Variants in ADAMTSL3 observed in about 807,000 individuals in gnomAD.
The protein encoded by ADAMTSL3 is ADAMTS like 3, also known as ADAMTS-like protein 3.
A neutral mutation model predicts 201.7 loss-of-function variants in ADAMTSL3; 128 were observed. The ratio of observed to expected loss-of-function variants is 0.63; its 90% CI spans 0.55 to 0.73. The LOEUF (loss-of-function observed/expected upper bound fraction) is 0.73, where lower values mean the gene tolerates loss of function less well. Ranked by LOEUF, ADAMTSL3 falls within the 30% of genes least tolerant of loss-of-function variation. The pLI is 0.00. For missense variants in ADAMTSL3, 1,990 were observed against 2,119.6 expected (o/e 0.94, Z 1.20); for synonymous variants, 738 against 748.4 (o/e 0.99, Z 0.23).
intron 19 of ADAMTSL3, among the ~76,000 whole-genome samples, chr15:83,952,695 A>G (rs1416224914): frequency 6.6e-6 from 1 of 152,012 alleles, no homozygotes; most frequent in Admixed American, 6.6e-5. Flanking sequence ...AATCCCAGCT[A>G]CTTGGGAGGT....
intron 3 of ADAMTSL3, among the ~76,000 whole-genome samples, chr15:83,716,441 G>A (rs2062019814): frequency 6.6e-6 from 1 of 151,242 alleles, no homozygotes; most frequent in South Asian, 2.1e-4. Context: ...TTGAACATGG[G>A]AGGCGGAGGT....
intron 19 of ADAMTSL3, among the ~76,000 whole-genome samples, chr15:83,948,310 G>A (rs2066694478): frequency 6.6e-6 from 1 of 151,734 alleles, no homozygotes; most frequent in African/African-American, 2.4e-5. Flanking sequence ...AGCCATGATG[G>A]GAGTATTTAC....
At chr15:84,033,198 C>G (rs555467610) in intron 28 of ADAMTSL3, among the ~76,000 whole-genome samples, 1 of 152,296 alleles carries the variant, frequency 6.6e-6, no homozygotes, top group African/African-American at 2.4e-5. Context: ...CTTCATCCAT[C>G]CATGCTCCTT....
intron 19 of ADAMTSL3, among the ~76,000 whole-genome samples, chr15:83,952,785 G>C (rs1474775647): frequency 6.9e-6 from 1 of 144,638 alleles, no homozygotes; most frequent in Non-Finnish European, 1.5e-5. Flanking sequence ...CAGCCTGGGC[G>C]ACAGAGTAAG....
At chr15:83,959,360 CAG>C (rs1394229772) in intron 19 of ADAMTSL3, among the ~76,000 whole-genome samples, 8 of 152,124 alleles carry the variant, frequency 5.3e-5, no homozygotes, top group African/African-American at 1.9e-4. Context: ...ACCCAGGAGG[CAG>C]AGTTTGCAAT....
chr15:83,844,951 C>T (rs2064464510), intron 7 of ADAMTSL3, among the ~76,000 whole-genome samples: 1 of 152,210 alleles, frequency 6.6e-6, no homozygotes, highest in Non-Finnish European at 1.5e-5. Flanking sequence ...CCCTGTGTTA[C>T]ATCATGTGCT....
At chr15:83,841,435 G>GT (rs2064371869) in intron 7 of ADAMTSL3, among the ~76,000 whole-genome samples, 3 of 152,310 alleles carry the variant, frequency 2.0e-5, no homozygotes, top group African/African-American at 7.2e-5. Context: ...GCTGTGCAGA[G>GT]TTATTTAAGT....
intron 9 of ADAMTSL3, among the ~76,000 whole-genome samples, chr15:83,883,106 C>A (rs1177107435): frequency 1.3e-5 from 2 of 151,422 alleles, no homozygotes; most frequent in Non-Finnish European, 2.9e-5. Flanking sequence ...CTAAATATAG[C>A]ATTTCTCATA....
intron 2 of ADAMTSL3, among the ~76,000 whole-genome samples, chr15:83,678,269 T>C (rs2061432323): frequency 6.6e-6 from 1 of 152,112 alleles, no homozygotes; most frequent in Non-Finnish European, 1.5e-5. Flanking sequence ...TGAAGCCATC[T>C]TCTGTTATTT....
At chr15:83,922,241 T>C (rs2066160930) in intron 16 of ADAMTSL3, among the ~76,000 whole-genome samples, 1 of 152,192 alleles carries the variant, frequency 6.6e-6, no homozygotes, top group African/African-American at 2.4e-5. Flanking sequence ...TTTTTCAAAA[T>C]ATACTCTACC....
chr15:83,992,925 C>A lies in ADAMTSL3; in HGVS notation c.3973+1711C>A, dbSNP rs79182169. Among the ~76,000 whole-genome samples the A allele has an allele frequency of 5.7e-3, 872 of 152,328 alleles. 5 individuals are homozygous for A. The highest frequency in any genetic ancestry group is 0.02 in the African/African-American group (840 of 41,566). ...AGCACTGGGAGTACTCATCTCTCCCCTTCCTCCCTCACCTTTCAGCTCTTA... is the reference window on the plus strand; with the variant it reads ...AGCACTGGGAGTACTCATCTCTCCCATTCCTCCCTCACCTTTCAGCTCTTA... On this transcript the variant is annotated intron_variant, in intron 23 of 29. Coordinates refer to ENST00000286744, the MANE Select transcript of ADAMTSL3 (RefSeq NM_207517.3).
At chr15:83,835,334 G>A (rs572299020) in intron 6 of ADAMTSL3, among the ~76,000 whole-genome samples, 6 of 151,598 alleles carry the variant, frequency 4.0e-5, no homozygotes, top group African/African-American at 1.2e-4. Context: ...TGGCTTATTC[G>A]TTATGAATCA....
intron 4 of ADAMTSL3, among the ~76,000 whole-genome samples, chr15:83,786,357 G>A (rs2063262802): frequency 6.6e-6 from 1 of 152,090 alleles, no homozygotes; most frequent in African/African-American, 2.4e-5. Context: ...ATATTTATGT[G>A]AGATATTTTG....
intron 2 of ADAMTSL3, among the ~76,000 whole-genome samples, chr15:83,671,082 A>AT (rs1567061927): frequency 6.6e-6 from 1 of 152,120 alleles, no homozygotes; most frequent in Non-Finnish European, 1.5e-5. Context: ...GTTTGCAAAT[A>AT]TTTTATTGAA....
chr15:83,706,049 T>C (rs892331476), intron 3 of ADAMTSL3, among the ~76,000 whole-genome samples: 6 of 152,176 alleles, frequency 3.9e-5, no homozygotes, highest in Non-Finnish European at 8.8e-5. Flanking sequence ...AGTCACTTTC[T>C]GCCTTCCCCC....
chr15:83,756,599 G>GCCCC (rs35325384), intron 3 of ADAMTSL3, among the ~76,000 whole-genome samples: 4 of 142,696 alleles, frequency 2.8e-5, no homozygotes, highest in Admixed American at 1.5e-4. Context: ...TTTCACCCCT[G>GCCCC]CCCCCCCCCC....
intron 23 of ADAMTSL3, among the ~76,000 whole-genome samples, chr15:84,002,024 AT>A (rs932684033): frequency 1.3e-5 from 2 of 152,222 alleles, no homozygotes; most frequent in Admixed American, 1.3e-4. Flanking sequence ...AAAAAGACTC[AT>A]TTATAAAACA....
At chr15:83,844,017 G>T (rs2064440736) in intron 7 of ADAMTSL3, among the ~76,000 whole-genome samples, 1 of 152,230 alleles carries the variant, frequency 6.6e-6, no homozygotes, top group East Asian at 1.9e-4. Flanking sequence ...TATCTGTTTA[G>T]AGAGTCTTGA....
chr15:83,767,075 CAG>C (rs1255716175), intron 3 of ADAMTSL3, among the ~76,000 whole-genome samples: 1 of 152,136 alleles, frequency 6.6e-6, no homozygotes, highest in Non-Finnish European at 1.5e-5. Flanking sequence ...GCCTGGGTGA[CAG>C]AGTAAGACTT....
Sources: allele counts gnomAD v4.1 joint callset (sites outside exome capture counted in the v4.1 genomes callset), GRCh38; gene constraint gnomAD v4.1.1; transcripts MANE v1.5; gene names NCBI Gene and HGNC (gene_info 2026-07-23, HGNC 2026-07-21).